The following TLK1 variants were observed in gnomAD, a reference collection of about 807,000 sequenced individuals.
TLK1 encodes the protein serine/threonine-protein kinase tousled-like 1.
Under a neutral mutation model 105.3 loss-of-function variants are expected in TLK1, and 24 were observed. The ratio of observed to expected loss-of-function variants is 0.23; its 90% CI spans 0.17 to 0.32. The LOEUF (loss-of-function observed/expected upper bound fraction) is 0.32. Among genes scored for constraint, TLK1 ranks in the 10% least tolerant of loss-of-function variants. The pLI is 1.00. For missense variants in TLK1, 558 were observed against 910.5 expected (o/e 0.61, Z 4.98); for synonymous variants, 321 against 310.4 (o/e 1.03, Z -0.36).
intron 1 of TLK1, among the ~76,000 whole-genome samples, chr2:171,193,791 T>C (rs1261283221): frequency 2.1e-5 from 3 of 140,570 alleles, no homozygotes; most frequent in African/African-American, 5.4e-5. Context: ...TCACGGCTCA[T>C]TGCCAACCTC....
intron 1 of TLK1, among the ~76,000 whole-genome samples, chr2:171,221,220 GA>G (rs1481322925): frequency 6.6e-6 from 1 of 152,102 alleles, no homozygotes; most frequent in Non-Finnish European, 1.5e-5. Flanking sequence ...TCATTACTTA[GA>G]CACTGTCCAT....
intron 12 of TLK1, among the ~76,000 whole-genome samples, chr2:171,018,365 T>C (rs1027164248): frequency 6.6e-6 from 1 of 152,252 alleles, no homozygotes; most frequent in East Asian, 1.9e-4. Context: ...CCAACACACA[T>C]ACTTGTAGAT....
intron 1 of TLK1, among the ~76,000 whole-genome samples, chr2:171,125,978 A>G (rs1181431373): frequency 6.6e-6 from 1 of 152,318 alleles, no homozygotes; most frequent in East Asian, 1.9e-4. Flanking sequence ...TCAAGAGGGA[A>G]ATTTTCTGGA....
At chr2:171,124,842 C>T (rs905460036) in intron 1 of TLK1, among the ~76,000 whole-genome samples, 2 of 152,174 alleles carry the variant, frequency 1.3e-5, no homozygotes, top group African/African-American at 4.8e-5. Context: ...TATTCAGAGG[C>T]CAACTTTTCT....
chr2:171,056,546 T>C lies in TLK1; in HGVS notation c.474A>G (p.Ser158=). 6.2e-7 allele frequency: 1 copy of C among 1,612,384 alleles called. No homozygotes were observed. Among genetic ancestry groups the C allele is most frequent in the Non-Finnish European group, 8.5e-7 (1 of 1,178,820 alleles). ...CAGGAGGTATGCCTCTTACTGGACTTGAGCCATTTCCACCCTGGTACTGAG... is the reference window on the plus strand; with the variant it reads ...CAGGAGGTATGCCTCTTACTGGACTCGAGCCATTTCCACCCTGGTACTGAG... ...DYFEYQGGNG[S]SPVRGIPPAI... The change falls in exon 6 of 21, where the codon TCA becomes TCG. Residue 158 remains serine, a synonymous_variant. Coordinates refer to ENST00000431350, the MANE Select transcript of TLK1 (RefSeq NM_012290.5).
Position 171,180,050 on chromosome 2 carries a change from T to G in TLK1, c.-6+51095A>C, listed in dbSNP as rs1692899543. On this transcript the variant is annotated intron_variant, in intron 1 of 20. Coordinates refer to the TLK1 transcript ENST00000521943. ...CCAGAAGTTGCAGTGAGCTGAGATCTCACGACTGCACTCCAGCCTGGGTGA... is the reference window on the plus strand; with the variant it reads ...CCAGAAGTTGCAGTGAGCTGAGATCGCACGACTGCACTCCAGCCTGGGTGA... 2.1e-5 allele frequency among the ~76,000 whole-genome samples: 3 copies of G among 143,156 alleles called. No homozygotes were observed. The Admixed American group carries it at 2.2e-4, about 10-fold the overall frequency. 93.9% of individuals were successfully genotyped at this position (143,156 alleles called of 152,430 possible). A position where few individuals can be genotyped will look rare whatever the true frequency, so the allele number is the denominator to read the frequency against.
chr2:171,079,715 C>T (rs1688665091), intron 3 of TLK1, among the ~76,000 whole-genome samples: 1 of 152,100 alleles, frequency 6.6e-6, no homozygotes, highest in East Asian at 1.9e-4. Flanking sequence ...CGCATACAAA[C>T]TGAAATAAAA....
At chr2:171,156,339 T>C (rs546406800) in intron 1 of TLK1, among the ~76,000 whole-genome samples, 1 of 152,324 alleles carries the variant, frequency 6.6e-6, no homozygotes, top group South Asian at 2.1e-4. Flanking sequence ...GACATATTTA[T>C]TCTTCATAAA....
At chr2:171,066,395 G>C (rs1324508808) in intron 3 of TLK1, among the ~76,000 whole-genome samples, 1 of 152,118 alleles carries the variant, frequency 6.6e-6, no homozygotes, top group East Asian at 1.9e-4. Flanking sequence ...TAGAACACCA[G>C]TAAGAAGAAA....
chr2:171,100,846 T>G (rs976376118), intron 2 of TLK1, among the ~76,000 whole-genome samples: 1 of 151,996 alleles, frequency 6.6e-6, no homozygotes, highest in African/African-American at 2.4e-5. Context: ...AACTAAAACA[T>G]ATGTCTACAA....
intron 3 of TLK1, among the ~76,000 whole-genome samples, chr2:171,076,383 C>A (rs1305135131): frequency 1.3e-5 from 2 of 152,052 alleles, no homozygotes; most frequent in Non-Finnish European, 2.9e-5. Context: ...CATCTTCTAC[C>A]ACGGGGTGAT....
Position 171,160,387 on chromosome 2 carries a change from TGGC to T in TLK1, c.39_41del (p.Pro14del), listed in dbSNP as rs983884796. 1.9e-6 allele frequency: 3 copies of T among 1,603,958 alleles called. No individual in the cohort carries two copies. The African/African-American group carries it at 4.1e-5, about 22-fold the overall frequency. ...GAGACGTGGAGAGCTGGGACCAAGA[TGGC>T]GGCCCCTCCAAACTTCCACTGCTAC... On this transcript the variant is annotated inframe_deletion, in exon 1 of 21. Coordinates refer to ENST00000431350, the MANE Select transcript of TLK1 (RefSeq NM_012290.5). The surrounding 1 kb of genome is among the most constrained non-coding windows in gnomAD (Gnocchi z 4.4).
At chr2:171,193,342 T>G (rs1355300832) in intron 1 of TLK1, among the ~76,000 whole-genome samples, 7 of 152,052 alleles carry the variant, frequency 4.6e-5, no homozygotes, top group Non-Finnish European at 8.8e-5. Flanking sequence ...GACATAAATA[T>G]GTCTCCATAG....
intron 1 of TLK1, among the ~76,000 whole-genome samples, chr2:171,203,104 CT>C (rs1693434257): frequency 6.6e-6 from 1 of 151,842 alleles, no homozygotes; most frequent in South Asian, 2.1e-4. Flanking sequence ...GTTTTTTCTA[CT>C]GCAAATGTAA....
At chr2:171,049,348 T>A (rs1687121091) in intron 10 of TLK1, among the ~76,000 whole-genome samples, 1 of 152,198 alleles carries the variant, frequency 6.6e-6, no homozygotes, top group Admixed American at 6.5e-5. Context: ...ACATGTTCAG[T>A]TTAACTGATA....
At chr2:171,180,586 A>G (rs186729608) in intron 1 of TLK1, among the ~76,000 whole-genome samples, 26 of 152,314 alleles carry the variant, frequency 1.7e-4, no homozygotes, top group African/African-American at 5.8e-4. Flanking sequence ...CTTCAGTGCC[A>G]TAGGTTAGAA....
chr2:171,076,735 TAA>T (rs35081277), intron 3 of TLK1, among the ~76,000 whole-genome samples: 44,332 of 124,812 alleles, frequency 0.36, 7,998 homozygotes, highest in African/African-American at 0.52. Context: ...CCATCTCTAC[TAA>T]AAAAAAAAAA....
chr2:171,194,411 C>T (rs73017302), intron 1 of TLK1, among the ~76,000 whole-genome samples: 19,275 of 152,104 alleles, frequency 0.13, 1,998 homozygotes, highest in African/African-American at 0.29. Context: ...TGAGCAAGGT[C>T]GATCATTTAT....
chr2:171,134,782 G>A (rs1157767659), intron 1 of TLK1, among the ~76,000 whole-genome samples: 6 of 139,640 alleles, frequency 4.3e-5, no homozygotes, highest in Admixed American at 2.3e-4. Context: ...CCAAGCTGGC[G>A]AGCAGTAGTG....
Sources: gnomAD v4.1 joint callset for allele counts (sites outside exome capture counted in the v4.1 genomes callset) on GRCh38, gnomAD v4.1.1 for gene constraint, Gnocchi (gnomAD v3.1) non-coding constraint, MANE v1.5 for transcripts, NCBI Gene and HGNC (gene_info 2026-07-23, HGNC 2026-07-21) for gene names.